The following ARHGAP8 variants were observed in gnomAD, a reference collection of about 807,000 sequenced individuals.
The protein encoded by ARHGAP8 is rho GTPase-activating protein 8.
Under a neutral mutation model 46.1 loss-of-function variants are expected in ARHGAP8, and 62 were observed. That is an observed-to-expected ratio of 1.34 (90% confidence interval 1.10 to 1.66). The LOEUF (loss-of-function observed/expected upper bound fraction) is 1.66. ARHGAP8 is among the 40% of genes most tolerant of loss of function. ARHGAP8 has a pLI of 0.00. For missense variants in ARHGAP8, 923 were observed against 568.4 expected (o/e 1.62, Z -6.34); for synonymous variants, 375 against 243.1 (o/e 1.54, Z -5.05).
At position 44,786,519 on chromosome 22, in the gene ARHGAP8, G is replaced by A; in HGVS notation, c.-9G>A. 1.2e-6 allele frequency: 2 copies of A among 1,613,696 alleles called. No homozygotes were observed. Among genetic ancestry groups the A allele is most frequent in the Non-Finnish European group, 1.7e-6 (2 of 1,179,844 alleles). On this transcript the variant is annotated 5_prime_UTR_variant, in exon 2 of 12. The change creates a new upstream start codon in the 5' untranslated region. Transcript: ENST00000356099. The stretch of plus-strand genomic sequence containing the variant: ...GGGTGCAGTGAGGAAGAGGCCCTCG[G>A]TGGTGCCCATGGCTGGCCAGGATCC...
rs796490147 is a variant in ARHGAP8, at chr22:44,827,336, G to GTTTTTTTTTTTTTTTTTTTTT, written c.596+1749_596+1769dup. ...GGTGAGATAATACATTTGGGTGGTG[G>GTTTTTTTTTTTTTTTTTTTTT]TTTTTTTTTTTTTTTTTTTTTTTTT... On this transcript the variant is annotated intron_variant, in intron 7 of 11. Coordinates refer to ENST00000356099, the MANE Select transcript of ARHGAP8 (RefSeq NM_181335.3). Among the ~76,000 whole-genome samples, 16 of 67,268 alleles carry GTTTTTTTTTTTTTTTTTTTTT rather than the reference G, an allele frequency of 2.4e-4. 3 individuals carry two copies. Among genetic ancestry groups the GTTTTTTTTTTTTTTTTTTTTT allele is most frequent in the Non-Finnish European group, 2.6e-4 (10 of 38,954 alleles). The allele number at this position is 67,268 out of a possible 152,430, so 44.1% of individuals were successfully genotyped here.
intron 11 of ARHGAP8, among the ~76,000 whole-genome samples, chr22:44,861,782 G>A (rs190131502): frequency 1.8e-4 from 27 of 152,136 alleles, no homozygotes; most frequent in Non-Finnish European, 2.2e-4. Flanking sequence ...TGACTCCCCC[G>A]TGCTGGGGTT....
intron 7 of ARHGAP8, among the ~76,000 whole-genome samples, chr22:44,830,997 G>A (rs904975474): frequency 7.2e-5 from 11 of 152,068 alleles, no homozygotes; most frequent in African/African-American, 2.4e-4. Flanking sequence ...TCACTAGATC[G>A]TTTGCCCATT....
intron 10 of ARHGAP8, among the ~76,000 whole-genome samples, chr22:44,859,244 G>A (rs1318971875): frequency 6.6e-6 from 1 of 152,100 alleles, no homozygotes; most frequent in Non-Finnish European, 1.5e-5. Flanking sequence ...CTTTGGAGGT[G>A]GGGACTGGTG....
chr22:44,819,701 A>G (rs181685220), intron 5 of ARHGAP8, among the ~76,000 whole-genome samples: 1 of 152,330 alleles, frequency 6.6e-6, no homozygotes, highest in African/African-American at 2.4e-5. Context: ...ATCTTTTAAA[A>G]CTACCCTTTT....
chr22:44,802,211 C>T (rs764520838), intron 3 of ARHGAP8, 47 bp downstream of exon 3: 2 of 1,606,232 alleles, frequency 1.2e-6, no homozygotes, highest in East Asian at 2.2e-5. Context: ...CTCCATGTTG[C>T]TTGTCCCCAT....
chr22:44,807,460 G>A (rs1232314626), intron 3 of ARHGAP8, among the ~76,000 whole-genome samples: 1 of 152,168 alleles, frequency 6.6e-6, no homozygotes, highest in Non-Finnish European at 1.5e-5. Flanking sequence ...GTAATGAAAA[G>A]CAAAATGTTA....
intron 7 of ARHGAP8, among the ~76,000 whole-genome samples, chr22:44,826,553 T>C (rs1297341307): frequency 6.6e-6 from 1 of 151,984 alleles, no homozygotes; most frequent in Non-Finnish European, 1.5e-5. Flanking sequence ...GCCTCCTGAG[T>C]AGCTGGGATT....
intron 11 of ARHGAP8, 126 bp from the exon 12 acceptor site, chr22:44,862,149 G>A: frequency 2.5e-6 from 3 of 1,178,644 alleles, no homozygotes; most frequent in Non-Finnish European, 3.4e-6. Context: ...CCCATTACTG[G>A]CTGCCGGCTC....
chr22:44,855,117 A>G (rs2070190096), intron 10 of ARHGAP8, among the ~76,000 whole-genome samples: 1 of 152,206 alleles, frequency 6.6e-6, no homozygotes, highest in South Asian at 2.1e-4. Flanking sequence ...GAACTCCTTT[A>G]AGGGATTTTA....
intron 1 of ARHGAP8, among the ~76,000 whole-genome samples, chr22:44,768,281 C>T (rs1925739603): frequency 6.6e-6 from 1 of 151,736 alleles, no homozygotes; most frequent in Admixed American, 6.6e-5. Flanking sequence ...AGGCGTGAGC[C>T]ACCGCGTGCG....
At chr22:44,808,515 C>G in intron 4 of ARHGAP8, 77 bp downstream of exon 4, 3 of 1,570,368 alleles carry the variant, frequency 1.9e-6, no homozygotes, top group Non-Finnish European at 2.6e-6. Flanking sequence ...CACAAGGGGT[C>G]GCAGAGTGTG....
chr22:44,825,462 C>A, intron 6 of ARHGAP8, 21 bp from the exon 7 acceptor site: 1 of 1,601,128 alleles, frequency 6.2e-7, no homozygotes, highest in Admixed American at 1.7e-5. Flanking sequence ...GGTGAGATCC[C>A]AGCCTCTGTT....
chr22:44,807,407 G>T (rs1466781344), intron 3 of ARHGAP8, among the ~76,000 whole-genome samples: 5 of 150,182 alleles, frequency 3.3e-5, no homozygotes, highest in Non-Finnish European at 5.9e-5. Flanking sequence ...CATAGGGGGT[G>T]GCGGGCGACA....
chr22:44,817,660 C>T (rs7292377), intron 5 of ARHGAP8, among the ~76,000 whole-genome samples: 333 of 151,950 alleles, frequency 2.2e-3, no homozygotes, highest in African/African-American at 7.6e-3. Flanking sequence ...AAAAAATTAG[C>T]GGGTGTGGTG....
chr22:44,844,487 G>T (rs1320281399), intron 7 of ARHGAP8, among the ~76,000 whole-genome samples: 1 of 151,620 alleles, frequency 6.6e-6, no homozygotes, highest in Non-Finnish European at 1.5e-5. Flanking sequence ...TTTTGAGATG[G>T]AGTCTCCCTC....
intron 11 of ARHGAP8, among the ~76,000 whole-genome samples, chr22:44,860,236 C>T (rs542645900): frequency 1.6e-4 from 25 of 151,712 alleles, no homozygotes; most frequent in African/African-American, 4.1e-4. Flanking sequence ...CCCAGAACCA[C>T]GTACATTAAG....
intron 1 of ARHGAP8, chr22:44,766,048 T>C (rs1394205590): frequency 6.6e-6 from 1 of 152,196 alleles, no homozygotes; most frequent in Non-Finnish European, 1.5e-5. Flanking sequence ...GGGCCTCCCC[T>C]GCTTGGCACC....
chr22:44,764,611 G>C (rs1195358379), intron 1 of ARHGAP8, among the ~76,000 whole-genome samples: 3 of 152,160 alleles, frequency 2.0e-5, no homozygotes, highest in African/African-American at 4.8e-5. Context: ...GTGTGCCTTT[G>C]GGCAAGCCCT....
Sources: gnomAD v4.1 joint callset for allele counts (sites outside exome capture counted in the v4.1 genomes callset) on GRCh38, gnomAD v4.1.1 for gene constraint, MANE v1.5 for transcripts, NCBI Gene and HGNC (gene_info 2026-07-23, HGNC 2026-07-21) for gene names.